SAV1: variants seen among roughly 807,000 people sequenced by gnomAD.
SAV1 encodes salvador family WW domain containing protein 1, also known as protein salvador homolog 1.
SAV1 carries 23 observed loss-of-function variants against 47.3 expected under a neutral mutation model. That is an observed-to-expected ratio of 0.49 (90% CI 0.35 to 0.69). The LOEUF (loss-of-function observed/expected upper bound fraction) is 0.69. Ranked by LOEUF, SAV1 falls within the 30% of genes least tolerant of loss-of-function variation. SAV1 has a pLI of 0.01. For synonymous variants in SAV1, 155 were observed against 159.2 expected, an observed-to-expected ratio of 0.97 and a Z score of 0.20; for missense variants, 448 against 457.4, an observed-to-expected ratio of 0.98 and a Z score of 0.19.
In SAV1 at chr14:50,636,928, C is replaced by T. The variant is rs371168488; in HGVS notation, c.951-1544G>A. Among the ~76,000 whole-genome samples, 43 of 152,200 alleles carry T rather than the reference C, an allele frequency of 2.8e-4. No individual in the cohort carries two copies. The East Asian group carries it at 6.2e-3, about 22-fold the overall frequency. ...AAACTCTAGCATTATTTTTAATGAT[C>T]GTTTATAGTATTTCCTACCCAGTGG... On this transcript the variant is annotated intron_variant, in intron 4 of 4. Coordinates refer to ENST00000324679, the MANE Select transcript of SAV1 (RefSeq NM_021818.4).
In SAV1 at chr14:50,663,159, T is replaced by C. The variant is rs1346521571; in HGVS notation, c.535+2020A>G. 7 of 152,230 alleles carry C rather than the reference T, an allele frequency of 4.6e-5. No homozygotes were observed. The East Asian group carries it at 9.6e-4, about 21-fold the overall frequency. The allele number at this position is 152,230 out of a possible 1,614,324, so 9.4% of individuals were successfully genotyped here. A position where few individuals can be genotyped will look rare whatever the true frequency, so the allele number is the denominator to read the frequency against. On this transcript the variant is annotated intron_variant, in intron 2 of 4. Transcript: ENST00000324679. The stretch of plus-strand genomic sequence containing the variant: ...TACAACATGAAGAAAATCATTCAAG[T>C]AAAAAGAACAGAAAACTGTACAAAA...
intron 2 of SAV1, among the ~76,000 whole-genome samples, chr14:50,650,878 C>T (rs2039762573): frequency 6.6e-6 from 1 of 152,144 alleles, no homozygotes; most frequent in South Asian, 2.1e-4. Flanking sequence ...AAATAATTAG[C>T]TGGGCGTGGC....
chr14:50,659,572 G>C (rs1049778856), intron 2 of SAV1, among the ~76,000 whole-genome samples: 4 of 152,200 alleles, frequency 2.6e-5, no homozygotes, highest in African/African-American at 9.7e-5. Flanking sequence ...ATCCAGACTG[G>C]GTGCTGCGGC....
At chr14:50,640,523 G>A (rs1234444259) in intron 4 of SAV1, among the ~76,000 whole-genome samples, 6 of 152,194 alleles carry the variant, frequency 3.9e-5, no homozygotes, top group African/African-American at 9.6e-5. Flanking sequence ...GCAGAGGCCC[G>A]CACACAAAGA....
Position 50,649,890 on chromosome 14 carries a change from T to G in SAV1, c.536-4876A>C, listed in dbSNP as rs1209851842. 2.0e-5 allele frequency among the ~76,000 whole-genome samples: 3 copies of G among 152,304 alleles called. No individual in the cohort carries two copies. The East Asian group carries it at 5.8e-4, about 29-fold the overall frequency. ...AAAATAAGAAAGACTGGGTGACCAT[T>G]GAGGTGTGAAGGAGTACCATGCCAG... is the stretch of plus-strand genomic sequence containing the variant. On this transcript the variant is annotated intron_variant, in intron 2 of 4. Transcript: ENST00000324679.
At chr14:50,651,208 C>G (rs2039766952) in intron 2 of SAV1, among the ~76,000 whole-genome samples, 1 of 152,026 alleles carries the variant, frequency 6.6e-6, no homozygotes, top group South Asian at 2.1e-4. Context: ...TTGTTTTATG[C>G]CAATGAGTTT....
intron 2 of SAV1, among the ~76,000 whole-genome samples, chr14:50,655,463 G>A (rs190081901): frequency 1.2e-4 from 18 of 144,132 alleles, no homozygotes; most frequent in African/African-American, 3.4e-4. Context: ...GTCTAGCCTC[G>A]TCCCCCAGGC....
chr14:50,634,416 T>C lies in SAV1; in HGVS notation c.*767A>G, dbSNP rs2039614838. 4.1e-6 allele frequency: 1 copy of C among 244,258 alleles called. No homozygotes were observed. Among genetic ancestry groups the C allele is most frequent in the Admixed American group, 4.6e-5 (1 of 21,638 alleles). The allele number at this position is 244,258 out of a possible 1,614,324, so 15.1% of individuals were successfully genotyped here. ...TCAGGCTGCAGTGCAAGTGGTGCGATCTTGACCCTGCAACCTCTGCCTCTT... is the reference window on the plus strand; with the variant it reads ...TCAGGCTGCAGTGCAAGTGGTGCGACCTTGACCCTGCAACCTCTGCCTCTT... On this transcript the variant is annotated 3_prime_UTR_variant, in exon 5 of 5. Transcript: ENST00000324679.
chr14:50,667,164 C>G (rs1291893778), intron 1 of SAV1, among the ~76,000 whole-genome samples: 1 of 150,048 alleles, frequency 6.7e-6, no homozygotes, highest in African/African-American at 2.5e-5. Flanking sequence ...AGAAAAGCAG[C>G]GGGGGACCGG....
chr14:50,640,453 CTTA>C (rs1447561452), intron 4 of SAV1, among the ~76,000 whole-genome samples: 2 of 152,178 alleles, frequency 1.3e-5, no homozygotes, highest in Admixed American at 1.3e-4. Context: ...TACTGTATCA[CTTA>C]TTTACAAATT....
chr14:50,647,529 G>A (rs558425040), intron 2 of SAV1, among the ~76,000 whole-genome samples: 9 of 152,046 alleles, frequency 5.9e-5, no homozygotes, highest in South Asian at 2.1e-4. Flanking sequence ...GAACAGCTAC[G>A]GCACTCCGGT....
At chr14:50,647,625 A>G (rs1192652935) in intron 2 of SAV1, among the ~76,000 whole-genome samples, 1 of 152,244 alleles carries the variant, frequency 6.6e-6, no homozygotes, top group African/African-American at 2.4e-5. Context: ...GGGGGGTAAG[A>G]ATTTTTAACA....
At chr14:50,655,952 G>C (rs2039808850) in intron 2 of SAV1, among the ~76,000 whole-genome samples, 1 of 152,204 alleles carries the variant, frequency 6.6e-6, no homozygotes, top group Non-Finnish European at 1.5e-5. Context: ...GGATGAGGCA[G>C]AAGAATCACT....
At position 50,637,659 on chromosome 14, in the gene SAV1, T is replaced by A. The variant is rs865812497; in HGVS notation, c.951-2275A>T. On this transcript the variant is annotated intron_variant, in intron 4 of 4. Transcript: ENST00000324679. ...GGAAGAAAAAATCTTCAAACAATTT[T>A]GTCAGTTTTTTTTTTTTTTTTTTTT... is the stretch of plus-strand genomic sequence containing the variant. 6.5e-3 allele frequency: 900 copies of A among 139,528 alleles called. 15 individuals carry two copies. The highest frequency in any genetic ancestry group is 0.022 in the African/African-American group (841 of 37,754). The allele number at this position is 139,528 out of a possible 1,614,324, so 8.6% of individuals were successfully genotyped here. A position where few individuals can be genotyped will look rare whatever the true frequency, so the allele number is the denominator to read the frequency against.
At chr14:50,640,729 T>C (rs2039674177) in intron 4 of SAV1, 21 bp downstream of exon 4, 16 of 1,600,560 alleles carry the variant, frequency 1.0e-5, no homozygotes, top group African/African-American at 1.3e-5. Flanking sequence ...TCAAACAAAT[T>C]TGTGTTGTAA....
rs763138396 is a variant in SAV1 at position 50,667,864 on chromosome 14, T to C, written c.94+10A>G. The C allele has an allele frequency of 6.2e-7, 1 of 1,612,198 alleles. No individual in the cohort carries two copies. ...GGGCCAGGTGTGGGCACGCCCCGCC[T>C]GACACTCACTCCGAAGCAGAGGCGA... On this transcript the variant is annotated intron_variant, in intron 1 of 4. Transcript: ENST00000324679.
intron 4 of SAV1, among the ~76,000 whole-genome samples, chr14:50,638,992 C>A (rs1262378036): frequency 2.6e-5 from 4 of 152,190 alleles, no homozygotes; most frequent in African/African-American, 9.7e-5. Flanking sequence ...TGGTCTCGAT[C>A]TCTCGACCTT....
At position 50,646,967 on chromosome 14, in the gene SAV1, A is replaced by AT. The variant is rs149520049; in HGVS notation, c.536-1954dup. ...ACACCCACACAGACATGGTCAACTG[A>AT]TTTTTTTATAAAGGTGAAAGGGCAA... On this transcript the variant is annotated intron_variant, in intron 2 of 4. Transcript: ENST00000324679. Among the ~76,000 whole-genome samples the AT allele has an allele frequency of 0.011, 1,657 of 152,246 alleles. 87 individuals are homozygous for AT. The East Asian group carries it at 0.16, about 15-fold the overall frequency.
At chr14:50,637,664 G>GTTTTTTTTTTTTTTT (rs373647297) in intron 4 of SAV1, 1 of 58,286 alleles carries the variant, frequency 1.7e-5, no homozygotes, top group African/African-American at 4.3e-5. Flanking sequence ...AATTTTGTCA[G>GTTTTTTTTTTTTTTT]TTTTTTTTTT....
Sources: allele counts gnomAD v4.1 joint callset (sites outside exome capture counted in the v4.1 genomes callset), GRCh38; gene constraint gnomAD v4.1.1; transcripts MANE v1.5; gene names NCBI Gene and HGNC (gene_info 2026-07-23, HGNC 2026-07-21).